NT5E: variants seen among roughly 807,000 people sequenced by gnomAD.
NT5E encodes 5'-nucleotidase ecto, also known as 5'-nucleotidase.
NT5E carries 53 observed loss-of-function variants against 55.1 expected under a neutral mutation model. The ratio of observed to expected loss-of-function variants is 0.96; its 90% CI spans 0.77 to 1.21. The LOEUF is 1.21. Among genes scored for constraint, NT5E ranks in the 50% most tolerant of loss-of-function variants. NT5E has a pLI of 0.00. For missense variants in NT5E, 683 were observed against 724.3 expected, an observed-to-expected ratio of 0.94 and a Z score of 0.65; for synonymous variants, 270 against 278.4, an observed-to-expected ratio of 0.97 and a Z score of 0.30.
In NT5E at chr6:85,483,535, A is replaced by G. The variant is rs115744839; in HGVS notation, c.752-1700A>G. On this transcript the variant is annotated intron_variant, in intron 3 of 8. Transcript: ENST00000257770. ...GAACAAAGGCTTTCACTGGATCTCAAGTTGGATGCTTCTGTAAAAGTAAAG... is the reference window on the plus strand; with the variant it reads ...GAACAAAGGCTTTCACTGGATCTCAGGTTGGATGCTTCTGTAAAAGTAAAG... Among the ~76,000 whole-genome samples, 391 of 152,354 alleles carry G rather than the reference A, an allele frequency of 2.6e-3. 2 individuals are homozygous for G. Among genetic ancestry groups the G allele is most frequent in the African/African-American group, 9.2e-3 (381 of 41,580 alleles).
At chr6:85,480,368 A>G (rs1318152121) in intron 3 of NT5E, among the ~76,000 whole-genome samples, 1 of 152,236 alleles carries the variant, frequency 6.6e-6, no homozygotes. Context: ...CATAGATAAC[A>G]GTACCTGACC....
At chr6:85,481,844 A>G (rs1769557365) in intron 3 of NT5E, among the ~76,000 whole-genome samples, 1 of 152,238 alleles carries the variant, frequency 6.6e-6, no homozygotes, top group Non-Finnish European at 1.5e-5. Flanking sequence ...TTTATGTTTT[A>G]GAAAGATCAC....
chr6:85,477,239 C>G (rs145206437), intron 3 of NT5E, among the ~76,000 whole-genome samples: 1 of 152,078 alleles, frequency 6.6e-6, no homozygotes, highest in Non-Finnish European at 1.5e-5. Context: ...TTGACTGTGT[C>G]GCGGCTGACA....
In NT5E at chr6:85,494,520, T is replaced by TGGA; in HGVS notation, c.*516_*517insGGA. On this transcript the variant is annotated 3_prime_UTR_variant, in exon 9 of 9. Transcript: ENST00000257770. The stretch of plus-strand genomic sequence containing the variant: ...AGATCCAAGACCTAGACCTAGGTCT[T>TGGA]TTGAACTCAAGTCCAGCATTCTCAA... 1 of 160,446 alleles carries TGGA rather than the reference T, an allele frequency of 6.2e-6. No individual in the cohort carries two copies. Among genetic ancestry groups the TGGA allele is most frequent in the Non-Finnish European group, 1.4e-5 (1 of 72,758 alleles). The allele number at this position is 160,446 out of a possible 1,614,324, so 9.9% of individuals were successfully genotyped here. A position where few individuals can be genotyped will look rare whatever the true frequency, so the allele number is the denominator to read the frequency against.
intron 3 of NT5E, among the ~76,000 whole-genome samples, chr6:85,480,036 C>T (rs757081449): frequency 3.3e-5 from 5 of 152,142 alleles, no homozygotes; most frequent in East Asian, 1.9e-4. Context: ...CAAAAGATGA[C>T]GCACCAGACC....
chr6:85,478,829 A>C lies in NT5E; in HGVS notation c.752-6406A>C, dbSNP rs9362222. On this transcript the variant is annotated intron_variant, in intron 3 of 8. Transcript: ENST00000257770. ...AGTTCTGCTCATGTATTATCTCTCT[A>C]TATATATAGTATTGAGAGAGAGAAA... Among the ~76,000 whole-genome samples the C allele has an allele frequency of 3.0e-3, 456 of 151,858 alleles. 8 individuals carry two copies. The South Asian group carries it at 0.035, about 12-fold the overall frequency.
rs1769881596 is a variant in NT5E at position 85,495,742 on chromosome 6, T to C, written c.*1738T>C. 1 of 152,198 alleles carries C rather than the reference T, an allele frequency of 6.6e-6. No homozygotes were observed. The highest frequency in any genetic ancestry group is 1.5e-5 in the Non-Finnish European group (1 of 68,040). 9.4% of individuals were successfully genotyped at this position (152,198 alleles called of 1,614,324 possible). On this transcript the variant is annotated 3_prime_UTR_variant, in exon 9 of 9. Transcript: ENST00000257770. ...GGTATAAGAAATGACTTTGAACCAC[T>C]TTGCAATTGTAGATTCCCAACAATA... is the stretch of plus-strand genomic sequence containing the variant.
At chr6:85,485,729 G>C (rs1769640473) in intron 4 of NT5E, among the ~76,000 whole-genome samples, 1 of 152,180 alleles carries the variant, frequency 6.6e-6, no homozygotes, top group South Asian at 2.1e-4. Context: ...GTGTTTACAG[G>C]AGAGATAACT....
intron 6 of NT5E, 75 bp from the exon 7 acceptor site, chr6:85,490,433 C>G (rs550480282): frequency 6.5e-7 from 1 of 1,548,386 alleles, no homozygotes; most frequent in East Asian, 2.2e-5. Context: ...TCCCCCAGCG[C>G]TGAGGGAAAC....
At position 85,471,215 on chromosome 6, in the gene NT5E, TTTTA is replaced by T. The variant is rs772590433; in HGVS notation, c.563-14_563-11del. 2 of 1,526,846 alleles carry T rather than the reference TTTTA, an allele frequency of 1.3e-6. No homozygotes were observed. The highest frequency in any genetic ancestry group is 1.2e-5 in the South Asian group (1 of 83,988). The allele number at this position is 1,526,846 out of a possible 1,614,324, so 94.6% of individuals were successfully genotyped here. On this transcript the variant is annotated intron_variant, in intron 2 of 8. Transcript: ENST00000257770. ...AATAAAAATTGTTAATAAATATCCA[TTTTA>T]TTTATTTTGTTCCTTAGGGACAAAT...
intron 1 of NT5E, among the ~76,000 whole-genome samples, chr6:85,455,640 G>A (rs1375688642): frequency 6.6e-6 from 1 of 152,182 alleles, no homozygotes; most frequent in African/African-American, 2.4e-5. Context: ...AGCCAAGGAG[G>A]AAGTAATGGA....
chr6:85,491,924 G>A, intron 7 of NT5E, 53 bp from the exon 8 acceptor site: 1 of 1,565,420 alleles, frequency 6.4e-7, no homozygotes, highest in Non-Finnish European at 8.8e-7. Context: ...AATTCCTTAG[G>A]AAACAGAAAT....
intron 2 of NT5E, among the ~76,000 whole-genome samples, chr6:85,468,176 C>CTGT (rs967883173): frequency 4.6e-5 from 7 of 152,168 alleles, no homozygotes; most frequent in Admixed American, 2.0e-4. Context: ...TATATATTTA[C>CTGT]TGTTGTTGTT....
Position 85,450,581 on chromosome 6 carries a change from G to C in NT5E, c.339+103G>C, listed in dbSNP as rs146950204. 1.8e-6 allele frequency: 2 copies of C among 1,089,006 alleles called. No individual in the cohort carries two copies. The highest frequency in any genetic ancestry group is 2.7e-6 in the Non-Finnish European group (2 of 735,802). 67.5% of individuals were successfully genotyped at this position (1,089,006 alleles called of 1,614,324 possible). On this transcript the variant is annotated intron_variant, in intron 1 of 8. Coordinates refer to ENST00000257770, the MANE Select transcript of NT5E (RefSeq NM_002526.4). The surrounding 1 kb of genome is among the most constrained non-coding windows in gnomAD (Gnocchi z 4.0). The stretch of plus-strand genomic sequence containing the variant: ...AGTGTGGCAAGCCTAGGTCCAGGGC[G>C]CGGAGAGATGTGGGGATAAAGTGAG...
chr6:85,476,522 G>A (rs1206741795), intron 3 of NT5E, among the ~76,000 whole-genome samples: 1 of 152,180 alleles, frequency 6.6e-6, no homozygotes. Flanking sequence ...GTGTTACAGT[G>A]TGCTCTTTTA....
chr6:85,462,720 G>C (rs1298942678), intron 1 of NT5E, among the ~76,000 whole-genome samples: 5 of 152,200 alleles, frequency 3.3e-5, no homozygotes, highest in African/African-American at 4.8e-5. Flanking sequence ...GCTCCATTTT[G>C]GTATGATTTG....
rs546605301 is a variant in NT5E at position 85,451,842 on chromosome 6, G to A, written c.339+1364G>A. 2.2e-4 allele frequency among the ~76,000 whole-genome samples: 34 copies of A among 152,264 alleles called. No homozygotes were observed. In the South Asian group the frequency reaches 5.6e-3, roughly 25 times the overall value. On this transcript the variant is annotated intron_variant, in intron 1 of 8. Coordinates refer to ENST00000257770, the MANE Select transcript of NT5E (RefSeq NM_002526.4). ...AGGAGGACAGGAAAAGATGATAAGA[G>A]GGCACCATTGTTTGGTTTTAAAGGT...
At chr6:85,480,358 C>T (rs189726059) in intron 3 of NT5E, among the ~76,000 whole-genome samples, 1 of 152,304 alleles carries the variant, frequency 6.6e-6, no homozygotes, top group Non-Finnish European at 1.5e-5. Flanking sequence ...ATAGTCTGGG[C>T]ATAGATAACA....
chr6:85,465,223 G>A (rs920099264), intron 1 of NT5E, among the ~76,000 whole-genome samples: 5 of 152,174 alleles, frequency 3.3e-5, no homozygotes, highest in African/African-American at 1.2e-4. Context: ...GGGAGGTGGA[G>A]AAGGCATCAA....
Sources: gnomAD v4.1 joint callset for allele counts (sites outside exome capture counted in the v4.1 genomes callset) on GRCh38, gnomAD v4.1.1 for gene constraint, Gnocchi (gnomAD v3.1) non-coding constraint, MANE v1.5 for transcripts, NCBI Gene and HGNC (gene_info 2026-07-23, HGNC 2026-07-21) for gene names.